The following SEC24C variants were observed in gnomAD, a reference collection of about 807,000 sequenced individuals.
SEC24C encodes SEC24 homolog C, COPII component.
A neutral mutation model predicts 117.0 loss-of-function variants in SEC24C; 22 were observed. The observed-to-expected ratio is 0.19, with a 90% CI of 0.13 to 0.27. The LOEUF (loss-of-function observed/expected upper bound fraction) is 0.27. Among genes scored for constraint, SEC24C ranks in the 10% least tolerant of loss-of-function variants. The pLI, the probability that SEC24C is intolerant of heterozygous loss-of-function variation, is 1.00. For missense variants in SEC24C, 1,155 were observed against 1,375.1 expected (o/e 0.84, Z 2.53); for synonymous variants, 506 against 529.4 (o/e 0.96, Z 0.61).
intron 8 of SEC24C, among the ~76,000 whole-genome samples, chr10:73,764,881 A>C (rs189120961): frequency 1.3e-5 from 2 of 152,296 alleles, no homozygotes; most frequent in Non-Finnish European, 2.9e-5. Context: ...CCAAAGGCTC[A>C]GTTTATATTC....
At position 73,760,975 on chromosome 10, in the gene SEC24C, C is replaced by T; in HGVS notation, c.987+126C>T. 5 of 1,125,674 alleles carry T rather than the reference C, an allele frequency of 4.4e-6. No individual in the cohort carries two copies. The East Asian group carries it at 1.3e-4, about 29-fold the overall frequency. 69.7% of individuals were successfully genotyped at this position (1,125,674 alleles called of 1,614,324 possible). A position where few individuals can be genotyped will look rare whatever the true frequency, so the allele number is the denominator to read the frequency against. ...CCTTTTTGTTCATCTTCTTGGAGAA[C>T]TTACATATAATTTGATTCTGAACTG... On this transcript the variant is annotated intron_variant, in intron 6 of 22. Transcript: ENST00000345254.
chr10:73,765,550 A>G lies in SEC24C; in HGVS notation c.1327A>G (p.Arg443Gly), dbSNP rs372521067. ...CPFMQFIEGG[R>G]RFQCCFCSCI... ...CTTCATGCAGTTCATTGAAGGAGGG[A>G]GGCGTTTCCAGTGCTGTTTTTGCAG... Residue 443 changes from arginine (R) to glycine (G), a missense_variant, in exon 9 of 23, where the codon AGG (arginine) becomes GGG (glycine). Coordinates refer to ENST00000345254, the MANE Select transcript of SEC24C (RefSeq NM_198597.3). 1.9e-4 allele frequency: 312 copies of G among 1,613,944 alleles called. No individual in the cohort carries two copies. The highest frequency in any genetic ancestry group is 2.6e-4 in the Non-Finnish European group (303 of 1,179,932).
intron 8 of SEC24C, among the ~76,000 whole-genome samples, chr10:73,764,228 A>G (rs907017832): frequency 2.0e-5 from 3 of 152,136 alleles, no homozygotes; most frequent in African/African-American, 7.2e-5. Context: ...AGCAGGATGA[A>G]AAGAGGTAGG....
chr10:73,746,902 C>G lies in SEC24C; in HGVS notation c.70C>G (p.His24Asp). ...GCCCCAGCCCATCTACCCAGGGTAT[C>G]ATCAGTCCAGCTATGGTGGGCAATC... is the stretch of plus-strand genomic sequence containing the variant. ...GQPQPIYPGY[H>D]QSSYGGQSGS... The change falls in exon 2 of 23, where the codon CAT (histidine) becomes GAT (aspartate). Residue 24 changes from histidine to aspartate, a missense_variant. Around this residue, in one of 2 missense-constraint regions of SEC24C, gnomAD observed 396 missense variants for 382.8 expected, o/e 1.03. Transcript: ENST00000345254. 1 of 1,614,004 alleles carries G rather than the reference C, an allele frequency of 6.2e-7. No individual in the cohort carries two copies. The highest frequency in any genetic ancestry group is 8.5e-7 in the Non-Finnish European group (1 of 1,179,930).
intron 2 of SEC24C, among the ~76,000 whole-genome samples, chr10:73,750,405 A>G (rs535410716): frequency 1.3e-5 from 2 of 152,352 alleles, no homozygotes; most frequent in East Asian, 3.9e-4. Flanking sequence ...GGCTAAGGGT[A>G]GTGTAAGTAG....
chr10:73,745,014 G>A (rs1275611616), intron 1 of SEC24C, among the ~76,000 whole-genome samples: 1 of 152,184 alleles, frequency 6.6e-6, no homozygotes, highest in African/African-American at 2.4e-5. Flanking sequence ...AAGGTTTAGG[G>A]TTTGGAAGAA....
rs773217462 is a variant in SEC24C, at chr10:73,770,020, G to A, written c.2862+5G>A. On this transcript the variant is annotated splice_donor_5th_base_variant and intron_variant, in intron 20 of 22. Transcript: ENST00000345254. ...TACCCTCGGCTCTTACCTTTGGTGC[G>A]ATTGAGGGTTGGAGTATGAGATCTT... 6.2e-6 allele frequency: 10 copies of A among 1,613,594 alleles called. No individual in the cohort carries two copies. The East Asian group carries it at 6.7e-5, about 11-fold the overall frequency.
At chr10:73,751,348 G>A in intron 3 of SEC24C, 105 bp downstream of exon 3, 6 of 1,162,126 alleles carry the variant, frequency 5.2e-6, no homozygotes, top group Middle Eastern at 2.9e-4. Context: ...ATCACCTGAG[G>A]TCAGGAGTTT....
intron 6 of SEC24C, among the ~76,000 whole-genome samples, chr10:73,763,025 G>A (rs1055388373): frequency 6.6e-6 from 1 of 152,166 alleles, no homozygotes; most frequent in South Asian, 2.1e-4. Context: ...TGAGTGTAGA[G>A]TCATTCCAGG....
intron 2 of SEC24C, among the ~76,000 whole-genome samples, chr10:73,747,988 T>C (rs1353900749): frequency 1.3e-5 from 2 of 151,808 alleles, no homozygotes; most frequent in Non-Finnish European, 2.9e-5. Context: ...GAGATGGGGT[T>C]TTACCAGTGG....
chr10:73,766,471 G>A lies in SEC24C; in HGVS notation c.1729G>A (p.Ala577Thr). The A allele has an allele frequency of 1.2e-6, 2 of 1,614,024 alleles. No homozygotes were observed. The highest frequency in any genetic ancestry group is 2.2e-5 in the South Asian group (2 of 91,082). ...QPQMMVVSDV[A>T]DMFVPLLDGF... ...ACAGATGATGGTTGTGTCTGATGTG[G>A]CTGACATGTTTGTGCCACTGCTGGA... Residue 577 changes from alanine to threonine, a missense_variant, in exon 12 of 23, where the codon GCT becomes ACT. By Grantham distance (58) the Ala-to-Thr change is moderately conservative. This residue lies in a region of SEC24C where 759 missense variants were observed against 992.3 expected (regional missense o/e 0.76). Coordinates refer to ENST00000345254, the MANE Select transcript of SEC24C (RefSeq NM_198597.3).
intron 8 of SEC24C, 143 bp downstream of exon 8, chr10:73,764,126 A>G (rs2082843139): frequency 1.8e-6 from 2 of 1,137,742 alleles, no homozygotes; most frequent in Non-Finnish European, 1.2e-6. Context: ...GTGGCTTTCT[A>G]TCCCAGGGCC....
rs770299033 is a variant in SEC24C, at chr10:73,751,172, C to T, written c.237C>T (p.Gly79=). 1.2e-6 allele frequency: 2 copies of T among 1,614,198 alleles called. No homozygotes were observed. The highest frequency in any genetic ancestry group is 2.2e-5 in the South Asian group (2 of 91,084). The change falls in exon 3 of 23, where the codon GGC becomes GGT. Residue 79 remains glycine, a synonymous_variant. Coordinates refer to ENST00000345254, the MANE Select transcript of SEC24C (RefSeq NM_198597.3). The stretch of plus-strand genomic sequence containing the variant: ...CCTCAACAGCACAGGCTCCTTGTGG[C>T]CAGGCTGCATATGGCCAGTTTGGCC... ...PPASTAQAPC[G]QAAYGQFGQG... is the part of the protein sequence containing the mutation.
intron 6 of SEC24C, 142 bp downstream of exon 6, chr10:73,760,991 T>C: frequency 9.7e-7 from 1 of 1,029,956 alleles, no homozygotes; most frequent in Admixed American, 2.9e-5. Context: ...TATAATTTGA[T>C]TCTGAACTGG....
At position 73,765,888 on chromosome 10, in the gene SEC24C, A is replaced by T. The variant is rs1182016457; in HGVS notation, c.1455A>T (p.Glu485Asp). Reference protein sequence around the residue: ...DRPELSLGSYEFLATVDYCKN... With the variant: ...DRPELSLGSYDFLATVDYCKN... Reference sequence around the variant, plus strand: ...CTGAGCTATCCCTGGGCTCTTATGAATTCTTGGCCACTGTAGATTACTGCA... The same window carrying T: ...CTGAGCTATCCCTGGGCTCTTATGATTTCTTGGCCACTGTAGATTACTGCA... Residue 485 changes from glutamate to aspartate, a missense_variant, in exon 10 of 23, where the codon GAA becomes GAT. By Grantham distance (45) the Glu-to-Asp change is conservative. Transcript: ENST00000345254. The T allele has an allele frequency of 6.2e-7, 1 of 1,614,072 alleles. No individual in the cohort carries two copies. Among genetic ancestry groups the T allele is most frequent in the Non-Finnish European group, 8.5e-7 (1 of 1,179,950 alleles).
At chr10:73,770,150 TGA>T (rs1211191918) in intron 20 of SEC24C, 128 bp from the exon 21 acceptor site, 7 of 1,248,628 alleles carry the variant, frequency 5.6e-6, no homozygotes, top group Non-Finnish European at 7.9e-6. Flanking sequence ...ATTTTCACAC[TGA>T]GAGAGTTACT....
At chr10:73,748,309 A>C (rs2082592120) in intron 2 of SEC24C, among the ~76,000 whole-genome samples, 2 of 148,170 alleles carry the variant, frequency 1.3e-5, no homozygotes, top group South Asian at 4.3e-4. Flanking sequence ...CATTTTTTGT[A>C]TTTTTAGTAG....
chr10:73,749,562 G>A (rs191646263), intron 2 of SEC24C, among the ~76,000 whole-genome samples: 2 of 116,482 alleles, frequency 1.7e-5, no homozygotes, highest in Non-Finnish European at 3.7e-5. Flanking sequence ...TTTCTTTTTG[G>A]AGACAGAGTC....
At chr10:73,766,917 G>A in intron 13 of SEC24C, 64 bp downstream of exon 13, 1 of 1,485,720 alleles carries the variant, frequency 6.7e-7, no homozygotes, top group Non-Finnish European at 9.4e-7. Flanking sequence ...TTATCCCCTG[G>A]GATACAACCT....
Sources: allele counts gnomAD v4.1 joint callset (sites outside exome capture counted in the v4.1 genomes callset), GRCh38; gene constraint gnomAD v4.1.1; regional missense constraint gnomAD v4.1.1; transcripts MANE v1.5; gene names NCBI Gene and HGNC (gene_info 2026-07-23, HGNC 2026-07-21).